UNC5D: variants seen among roughly 807,000 people sequenced by gnomAD.
UNC5D encodes the protein unc-5 netrin receptor D, also known as netrin receptor UNC5D.
A neutral mutation model predicts 105.4 loss-of-function variants in UNC5D; 39 were observed. That is an observed-to-expected ratio of 0.37 (90% CI 0.29 to 0.48). The LOEUF (loss-of-function observed/expected upper bound fraction) is 0.48, where lower values mean the gene tolerates loss of function less well. Among genes scored for constraint, UNC5D ranks in the 20% least tolerant of loss-of-function variants. The pLI is 0.98. For missense variants in UNC5D, 991 were observed against 1,202.4 expected, an observed-to-expected ratio of 0.82 and a Z score of 2.60; for synonymous variants, 452 against 450.4, an observed-to-expected ratio of 1.00 and a Z score of -0.04.
chr8:35,336,836 T>C (rs1811086006), intron 1 of UNC5D, among the ~76,000 whole-genome samples: 1 of 152,126 alleles, frequency 6.6e-6, no homozygotes, highest in African/African-American at 2.4e-5. Context: ...TGGATTTTCT[T>C]TTCTGCTCAG....
chr8:35,653,224 G>T (rs560979713), intron 4 of UNC5D, among the ~76,000 whole-genome samples: 2 of 152,104 alleles, frequency 1.3e-5, no homozygotes, highest in South Asian at 2.1e-4. Context: ...CACTGAGCAT[G>T]GTTGAGGATA....
chr8:35,279,362 G>C (rs538409388), intron 1 of UNC5D, among the ~76,000 whole-genome samples: 2 of 152,220 alleles, frequency 1.3e-5, no homozygotes, highest in African/African-American at 2.4e-5. Context: ...ATAGTGAGGA[G>C]AGATGACATT....
intron 1 of UNC5D, among the ~76,000 whole-genome samples, chr8:35,350,417 G>A (rs527931430): frequency 2.2e-4 from 34 of 152,090 alleles, no homozygotes; most frequent in Non-Finnish European, 4.3e-4. Context: ...TCATGTTGAT[G>A]TCTTAAGTAA....
intron 4 of UNC5D, among the ~76,000 whole-genome samples, chr8:35,652,961 C>G (rs1020672319): frequency 5.2e-5 from 6 of 114,720 alleles, no homozygotes; most frequent in Admixed American, 4.5e-4. Flanking sequence ...GAGTTTCACT[C>G]TCTTGCCAGG....
chr8:35,272,395 G>A (rs892087655), intron 1 of UNC5D, among the ~76,000 whole-genome samples: 1 of 152,174 alleles, frequency 6.6e-6, no homozygotes, highest in East Asian at 1.9e-4. Flanking sequence ...CTGAGGGGAA[G>A]AGAAGACTCA....
chr8:35,679,379 G>C (rs914030383), intron 4 of UNC5D, among the ~76,000 whole-genome samples: 2 of 152,142 alleles, frequency 1.3e-5, no homozygotes, highest in African/African-American at 4.8e-5. Context: ...TTTGACCTGA[G>C]ATTTAAATGC....
intron 1 of UNC5D, among the ~76,000 whole-genome samples, chr8:35,545,875 C>T (rs373730066): frequency 1.2e-4 from 18 of 151,630 alleles, no homozygotes; most frequent in East Asian, 3.9e-4. Flanking sequence ...ATCCTCTGAA[C>T]GTTAACTGAT....
At chr8:35,661,959 C>T (rs1041143016) in intron 4 of UNC5D, among the ~76,000 whole-genome samples, 3 of 152,142 alleles carry the variant, frequency 2.0e-5, no homozygotes, top group Non-Finnish European at 4.4e-5. Context: ...GCTTCTTCTC[C>T]TGCCACTCCA....
intron 4 of UNC5D, among the ~76,000 whole-genome samples, chr8:35,635,221 C>T (rs550837176): frequency 2.0e-5 from 3 of 152,218 alleles, no homozygotes; most frequent in South Asian, 2.1e-4. Context: ...CCCTTTCCTC[C>T]TCCATGTCAG....
intron 1 of UNC5D, among the ~76,000 whole-genome samples, chr8:35,341,746 G>T (rs943973962): frequency 3.9e-5 from 6 of 151,980 alleles, no homozygotes; most frequent in African/African-American, 1.2e-4. Flanking sequence ...TTATGCCAAT[G>T]GAATTAATAG....
chr8:35,538,168 A>G (rs889297767), intron 1 of UNC5D, among the ~76,000 whole-genome samples: 1 of 151,840 alleles, frequency 6.6e-6, no homozygotes, highest in South Asian at 2.1e-4. Context: ...AGCTGAATCT[A>G]AAGGAGGAGA....
intron 1 of UNC5D, among the ~76,000 whole-genome samples, chr8:35,396,158 C>G (rs1207661336): frequency 6.6e-6 from 1 of 152,144 alleles, no homozygotes; most frequent in East Asian, 1.9e-4. Flanking sequence ...TATTTTAGCT[C>G]TGAAATCTAC....
intron 1 of UNC5D, among the ~76,000 whole-genome samples, chr8:35,330,089 C>G (rs1810496228): frequency 1.3e-5 from 2 of 152,292 alleles, no homozygotes; most frequent in Admixed American, 6.5e-5. Flanking sequence ...TATTTCACAG[C>G]AGCTAAGTAA....
Position 35,338,564 on chromosome 8 carries a change from T to A in UNC5D, c.103+102677T>A, listed in dbSNP as rs78740381. ...TTTCAGTGACCATGGAGATTTTCTG[T>A]TAGAGACCAGAGTACTGAATGCCCA... On this transcript the variant is annotated intron_variant, in intron 1 of 16. Transcript: ENST00000404895. Among the ~76,000 whole-genome samples, 4 of 152,186 alleles carry A rather than the reference T, an allele frequency of 2.6e-5. No homozygotes were observed. In the East Asian group the frequency reaches 7.8e-4, roughly 30 times the overall value.
chr8:35,521,875 G>T (rs576195325), intron 1 of UNC5D, among the ~76,000 whole-genome samples: 1 of 152,240 alleles, frequency 6.6e-6, no homozygotes, highest in African/African-American at 2.4e-5. Context: ...TAGCTAAATT[G>T]GTTCTCATCA....
chr8:35,380,397 G>A (rs1211852071), intron 1 of UNC5D, among the ~76,000 whole-genome samples: 1 of 151,922 alleles, frequency 6.6e-6, no homozygotes, highest in Non-Finnish European at 1.5e-5. Context: ...TTGGTGGGGT[G>A]GGGGCATGCA....
intron 4 of UNC5D, among the ~76,000 whole-genome samples, chr8:35,623,132 C>T (rs147187497): frequency 9.9e-5 from 15 of 152,232 alleles, no homozygotes; most frequent in African/African-American, 3.4e-4. Context: ...ATCACTGCCT[C>T]TCTGTCTCTC....
chr8:35,533,576 C>T (rs1814578278), intron 1 of UNC5D, among the ~76,000 whole-genome samples: 1 of 152,222 alleles, frequency 6.6e-6, no homozygotes, highest in Admixed American at 6.5e-5. Flanking sequence ...GGGCTCCACC[C>T]AATTCGAGCT....
At chr8:35,474,337 TG>T (rs1301249514) in intron 1 of UNC5D, among the ~76,000 whole-genome samples, 2 of 152,240 alleles carry the variant, frequency 1.3e-5, no homozygotes, top group Non-Finnish European at 2.9e-5. Flanking sequence ...ATACTGTTTT[TG>T]TTTTTAATGA....
Sources: allele counts gnomAD v4.1 joint callset (sites outside exome capture counted in the v4.1 genomes callset), GRCh38; gene constraint gnomAD v4.1.1; transcripts MANE v1.5; gene names NCBI Gene and HGNC (gene_info 2026-07-23, HGNC 2026-07-21).